The following UMAD1 variants were observed in gnomAD, a reference collection of about 807,000 sequenced individuals.
UMAD1 encodes UBAP1-MVB12-associated (UMA)-domain containing protein 1.
A neutral mutation model predicts 6.1 loss-of-function variants in UMAD1; 8 were observed. The ratio of observed to expected loss-of-function variants is 1.30; its 90% CI spans 0.76 to 2.35. The LOEUF (loss-of-function observed/expected upper bound fraction) is 2.35. UMAD1 is among the 30% of genes most tolerant of loss of function. The pLI, the probability that UMAD1 is intolerant of heterozygous loss-of-function variation, is 0.00. For missense variants in UMAD1, 130 were observed against 78.4 expected (o/e 1.66, Z -2.49); for synonymous variants, 56 against 31.4 (o/e 1.78, Z -2.61).
chr7:7,713,640 G>T (rs1268102882), intron 2 of UMAD1, among the ~76,000 whole-genome samples: 1 of 151,394 alleles, frequency 6.6e-6, no homozygotes, highest in Non-Finnish European at 1.5e-5. Context: ...AGTTTATTTT[G>T]TTAGTTTCAT....
At chr7:7,861,397 G>T (rs920845123) in intron 3 of UMAD1, among the ~76,000 whole-genome samples, 1 of 152,178 alleles carries the variant, frequency 6.6e-6, no homozygotes, top group Non-Finnish European at 1.5e-5. Context: ...AAACACAGCT[G>T]TGTTTACTTT....
At chr7:7,796,213 G>A (rs916544457) in intron 2 of UMAD1, among the ~76,000 whole-genome samples, 41 of 148,154 alleles carry the variant, frequency 2.8e-4, no homozygotes, top group Non-Finnish European at 5.5e-4. Context: ...GCATTCTTCT[G>A]GCTGTACTTT....
chr7:7,672,459 A>G (rs1349113987), intron 1 of UMAD1, among the ~76,000 whole-genome samples: 3 of 152,318 alleles, frequency 2.0e-5, no homozygotes, highest in South Asian at 2.1e-4. Flanking sequence ...GTTGGCTGCA[A>G]TTTTATAATG....
chr7:7,841,312 A>ATTTT (rs1783675395), intron 3 of UMAD1, among the ~76,000 whole-genome samples: 1 of 113,628 alleles, frequency 8.8e-6, no homozygotes, highest in Non-Finnish European at 1.9e-5. Context: ...ATAACAAGTG[A>ATTTT]TCTTTTTTTT....
At chr7:7,811,367 G>A (rs1471534391) in intron 3 of UMAD1, among the ~76,000 whole-genome samples, 1 of 152,162 alleles carries the variant, frequency 6.6e-6, no homozygotes, top group Non-Finnish European at 1.5e-5. Context: ...TCTTTGATGT[G>A]TTTATCCTCT....
intron 1 of UMAD1, among the ~76,000 whole-genome samples, chr7:7,653,751 A>G (rs975725505): frequency 6.6e-6 from 1 of 152,146 alleles, no homozygotes. Flanking sequence ...CTTTCTTGTA[A>G]TGTCTTGGTT....
At chr7:7,715,301 T>C (rs1428884175) in intron 2 of UMAD1, 2 of 151,688 alleles carry the variant, frequency 1.3e-5, no homozygotes, top group African/African-American at 2.4e-5. Flanking sequence ...GTTTCATCAA[T>C]GATCTTGGTG....
chr7:7,728,336 C>T (rs547697466), intron 2 of UMAD1, among the ~76,000 whole-genome samples: 1 of 152,072 alleles, frequency 6.6e-6, no homozygotes, highest in African/African-American at 2.4e-5. Context: ...TTCTCATTTA[C>T]AAAATTGAGA....
intron 3 of UMAD1, among the ~76,000 whole-genome samples, chr7:7,835,500 T>TTTTTTTTTTTA (rs776524699): frequency 9.8e-6 from 1 of 102,444 alleles, no homozygotes; most frequent in Non-Finnish European, 2.0e-5. Context: ...TTTTTTTTTT[T>TTTTTTTTTTTA]AGCTCTTAGC....
intron 2 of UMAD1, among the ~76,000 whole-genome samples, chr7:7,739,584 C>T (rs568700936): frequency 1.5e-4 from 23 of 152,210 alleles, no homozygotes; most frequent in African/African-American, 5.5e-4. Flanking sequence ...CTATTTTTCT[C>T]AAGGAAACTG....
intron 1 of UMAD1, among the ~76,000 whole-genome samples, chr7:7,665,823 G>C (rs555255422): frequency 1.3e-5 from 2 of 149,216 alleles, no homozygotes; most frequent in South Asian, 4.2e-4. Flanking sequence ...CTTTCCATCA[G>C]CTTTTTTTTT....
At chr7:7,819,762 T>C (rs1406272720) in intron 3 of UMAD1, among the ~76,000 whole-genome samples, 1 of 152,252 alleles carries the variant, frequency 6.6e-6, no homozygotes, top group African/African-American at 2.4e-5. Context: ...CTAAAACCTG[T>C]TCAGTTTGGT....
At position 7,750,550 on chromosome 7, in the gene UMAD1, T is replaced by C. The variant is rs764329703; in HGVS notation, c.83-51120T>C. On this transcript the variant is annotated intron_variant, in intron 2 of 3. Transcript: ENST00000682710. ...TTTAATGACGGCCCATTTTATATTA[T>C]ACACGGTTTCATATTTTTCTTATAT... Among the ~76,000 whole-genome samples the C allele has an allele frequency of 7.2e-5, 11 of 152,222 alleles. 1 individual carries two copies. Among genetic ancestry groups the C allele is most frequent in the Admixed American group, 6.5e-4 (10 of 15,284 alleles).
chr7:7,855,906 A>G lies in UMAD1; in HGVS notation c.157-21375A>G, dbSNP rs151152092. 2.0e-5 allele frequency among the ~76,000 whole-genome samples: 3 copies of G among 152,244 alleles called. No individual in the cohort carries two copies. In the East Asian group the frequency reaches 5.8e-4, roughly 29 times the overall value. ...GTCTCTCAAGTTCGAAGTTCCACAG[A>G]TCTCTAGGGCAAGGACAAAATGCTG... is the stretch of plus-strand genomic sequence containing the variant. On this transcript the variant is annotated intron_variant, in intron 3 of 3. Transcript: ENST00000682710.
chr7:7,734,777 A>G (rs1472094204), intron 2 of UMAD1, among the ~76,000 whole-genome samples: 3 of 152,140 alleles, frequency 2.0e-5, no homozygotes, highest in Admixed American at 1.3e-4. Flanking sequence ...ACCTTATCAT[A>G]TCTTGTGGTC....
chr7:7,706,459 C>G (rs6967126), intron 2 of UMAD1, among the ~76,000 whole-genome samples: 1 of 151,838 alleles, frequency 6.6e-6, no homozygotes, highest in Non-Finnish European at 1.5e-5. Context: ...AAAAATGAAA[C>G]CTATATAACA....
At chr7:7,874,556 C>T (rs1197913517) in intron 3 of UMAD1, among the ~76,000 whole-genome samples, 1 of 152,082 alleles carries the variant, frequency 6.6e-6, no homozygotes, top group Non-Finnish European at 1.5e-5. Context: ...GTGGCTCACG[C>T]CTGTAATCCC....
intron 1 of UMAD1, among the ~76,000 whole-genome samples, chr7:7,657,383 T>C (rs1156745101): frequency 6.6e-6 from 1 of 152,266 alleles, no homozygotes; most frequent in Non-Finnish European, 1.5e-5. Context: ...ATGAAGTCTT[T>C]GCCCATGCCT....
chr7:7,857,545 A>G (rs1046575243), intron 3 of UMAD1, among the ~76,000 whole-genome samples: 11 of 152,246 alleles, frequency 7.2e-5, no homozygotes, highest in African/African-American at 2.7e-4. Flanking sequence ...TGTCTCAGGA[A>G]GAGTCGTCCT....
Sources: allele counts gnomAD v4.1 joint callset (sites outside exome capture counted in the v4.1 genomes callset), GRCh38; gene constraint gnomAD v4.1.1; transcripts MANE v1.5; gene names NCBI Gene and HGNC (gene_info 2026-07-23, HGNC 2026-07-21).